The following CDH13 variants were observed in gnomAD, a reference collection of about 807,000 sequenced individuals.
CDH13 encodes the protein cadherin 13.
CDH13 carries 24 observed loss-of-function variants against 63.8 expected under a neutral mutation model. That is an observed-to-expected ratio of 0.38 (90% confidence interval 0.27 to 0.53). The LOEUF is 0.53. Among genes scored for constraint, CDH13 ranks in the 20% least tolerant of loss-of-function variants. The pLI, the probability that CDH13 is intolerant of heterozygous loss-of-function variation, is 0.85. For missense variants in CDH13, 1,049 were observed against 903.1 expected, an observed-to-expected ratio of 1.16 and a Z score of -2.07; for synonymous variants, 503 against 355.3, an observed-to-expected ratio of 1.42 and a Z score of -4.67.
intron 2 of CDH13, among the ~76,000 whole-genome samples, chr16:83,028,881 T>C (rs982257720): frequency 6.6e-6 from 1 of 152,052 alleles, no homozygotes; most frequent in Non-Finnish European, 1.5e-5. Context: ...TTCAGAAGGG[T>C]TGTATTCTCC....
intron 3 of CDH13, among the ~76,000 whole-genome samples, chr16:83,055,913 G>C (rs569487330): frequency 3.9e-4 from 60 of 152,212 alleles, no homozygotes; most frequent in Non-Finnish European, 5.9e-4. Flanking sequence ...AAAGTGAAAA[G>C]GCAGGCTATA....
chr16:83,522,915 C>G (rs1175649388), intron 7 of CDH13, among the ~76,000 whole-genome samples: 2 of 152,214 alleles, frequency 1.3e-5, no homozygotes, highest in Non-Finnish European at 2.9e-5. Context: ...GTGACTCCAG[C>G]TAGCCACACC....
At chr16:83,659,900 T>C (rs958527462) in intron 8 of CDH13, among the ~76,000 whole-genome samples, 5 of 151,170 alleles carry the variant, frequency 3.3e-5, no homozygotes. Flanking sequence ...AATTCTCCTG[T>C]CTCAGCCTCC....
At chr16:82,764,552 A>G (rs1185716498) in intron 1 of CDH13, among the ~76,000 whole-genome samples, 1 of 152,218 alleles carries the variant, frequency 6.6e-6, no homozygotes, top group African/African-American at 2.4e-5. Context: ...GATTAAAAAT[A>G]TGAGGTATAA....
chr16:82,878,762 C>T (rs1299408475), intron 2 of CDH13, among the ~76,000 whole-genome samples: 1 of 151,768 alleles, frequency 6.6e-6, no homozygotes, highest in Admixed American at 6.6e-5. Context: ...CAGATATTGC[C>T]ATCTTTTCCA....
At chr16:83,791,431 G>A (rs958155487) in intron 13 of CDH13, among the ~76,000 whole-genome samples, 1 of 151,856 alleles carries the variant, frequency 6.6e-6, no homozygotes, top group African/African-American at 2.4e-5. Flanking sequence ...GGGAGGCAGA[G>A]GGTGCAATAA....
intron 6 of CDH13, among the ~76,000 whole-genome samples, chr16:83,456,215 T>C (rs1461966560): frequency 1.3e-5 from 2 of 152,206 alleles, no homozygotes; most frequent in African/African-American, 4.8e-5. Context: ...GCTCTGGAGA[T>C]AGTGCCAGAC....
intron 1 of CDH13, among the ~76,000 whole-genome samples, chr16:82,850,634 A>G (rs2039443383): frequency 6.6e-6 from 1 of 152,224 alleles, no homozygotes. Flanking sequence ...GCTACCAAAT[A>G]GCATCACATG....
chr16:82,641,522 T>C (rs1909394698), intron 1 of CDH13, among the ~76,000 whole-genome samples: 1 of 152,304 alleles, frequency 6.6e-6, no homozygotes, highest in Non-Finnish European at 1.5e-5. Flanking sequence ...TCCCACTAGA[T>C]GGTACCAGTA....
chr16:82,925,486 C>G (rs2042275045), intron 2 of CDH13, among the ~76,000 whole-genome samples: 2 of 152,212 alleles, frequency 1.3e-5, no homozygotes, highest in Non-Finnish European at 2.9e-5. Context: ...CCCTATCAGA[C>G]TTCTGCTTAA....
chr16:83,182,947 T>G (rs2038395105), intron 4 of CDH13, among the ~76,000 whole-genome samples: 1 of 152,160 alleles, frequency 6.6e-6, no homozygotes, highest in Non-Finnish European at 1.5e-5. Context: ...TCAGTGTAAC[T>G]CACCAATTGT....
intron 2 of CDH13, chr16:82,884,054 A>G (rs1377486838): frequency 2.7e-6 from 1 of 373,250 alleles, no homozygotes; most frequent in Non-Finnish European, 5.3e-6. Context: ...TATGACTACA[A>G]CACTTAAAAC....
chr16:83,216,026 C>CCT (rs1296377019), intron 4 of CDH13, among the ~76,000 whole-genome samples: 3 of 151,106 alleles, frequency 2.0e-5, no homozygotes, highest in African/African-American at 7.3e-5. Flanking sequence ...TCAGCCTAAC[C>CCT]CTCTACATGC....
At position 83,134,544 on chromosome 16, in the gene CDH13, G is replaced by GGAGAGAGA. The variant is rs67135267; in HGVS notation, c.483+9085_483+9092dup. ...GATTTTATGTGGGGATGGGGTGGGG[G>GGAGAGAGA]GAGAGAGAGAGAGAGAGAGAGAGAG... On this transcript the variant is annotated intron_variant, in intron 4 of 13. Coordinates refer to ENST00000567109, the MANE Select transcript of CDH13 (RefSeq NM_001257.5). Among the ~76,000 whole-genome samples, 554 of 84,280 alleles carry GGAGAGAGA rather than the reference G, an allele frequency of 6.6e-3. 13 individuals carry two copies. Among genetic ancestry groups the GGAGAGAGA allele is most frequent in the East Asian group, 0.011 (27 of 2,416 alleles). 55.3% of individuals were successfully genotyped at this position (84,280 alleles called of 152,430 possible).
Position 83,777,823 on chromosome 16 carries a change from C to G in CDH13, c.1682-2145C>G, listed in dbSNP as rs79660537. On this transcript the variant is annotated intron_variant, in intron 11 of 13. Coordinates refer to ENST00000567109, the MANE Select transcript of CDH13 (RefSeq NM_001257.5). ...TGCGTTTCAAAACATAAATATAGTACAAGAGAAAATAAAATTATACTTGGA... is the reference window on the plus strand; with the variant it reads ...TGCGTTTCAAAACATAAATATAGTAGAAGAGAAAATAAAATTATACTTGGA... 5.6e-3 allele frequency among the ~76,000 whole-genome samples: 851 copies of G among 152,032 alleles called. 5 individuals are homozygous for G. The highest frequency in any genetic ancestry group is 0.02 in the African/African-American group (828 of 41,434).
chr16:83,741,863 T>G (rs1400992840), intron 10 of CDH13, among the ~76,000 whole-genome samples: 3 of 152,146 alleles, frequency 2.0e-5, no homozygotes, highest in African/African-American at 7.2e-5. Flanking sequence ...GCACAAATCC[T>G]ATTGTGAACT....
intron 6 of CDH13, among the ~76,000 whole-genome samples, chr16:83,480,667 C>T (rs1045647151): frequency 7.2e-5 from 11 of 152,128 alleles, no homozygotes; most frequent in Non-Finnish European, 1.0e-4. Context: ...CAAAACTTGG[C>T]CTGCAGGGTG....
At chr16:82,916,697 TTA>T (rs1318816296) in intron 2 of CDH13, among the ~76,000 whole-genome samples, 1 of 152,240 alleles carries the variant, frequency 6.6e-6, no homozygotes, top group African/African-American at 2.4e-5. Flanking sequence ...TCAATAATTT[TTA>T]TGTTTGTTAA....
At chr16:82,847,813 C>T (rs1435869973) in intron 1 of CDH13, among the ~76,000 whole-genome samples, 1 of 152,142 alleles carries the variant, frequency 6.6e-6, no homozygotes, top group East Asian at 1.9e-4. Context: ...GAGAAATCAC[C>T]ACACAGCCAG....
Sources: gnomAD v4.1 joint callset for allele counts (sites outside exome capture counted in the v4.1 genomes callset) on GRCh38, gnomAD v4.1.1 for gene constraint, MANE v1.5 for transcripts, NCBI Gene and HGNC (gene_info 2026-07-23, HGNC 2026-07-21) for gene names.